Variants in MECOM observed in about 807,000 individuals in gnomAD.
The protein encoded by MECOM is MDS1 and EVI1 complex locus.
MECOM carries 13 observed loss-of-function variants against 116.3 expected under a neutral mutation model. The observed-to-expected ratio is 0.11, with a 90% CI of 0.07 to 0.18. The LOEUF (loss-of-function observed/expected upper bound fraction) is 0.18. Ranked by LOEUF, MECOM falls within the 10% of genes least tolerant of loss-of-function variation. MECOM has a pLI of 1.00. For missense variants in MECOM, 1,299 were observed against 1,509.0 expected (o/e 0.86, Z 2.31); for synonymous variants, 528 against 535.2 (o/e 0.99, Z 0.19).
At chr3:169,509,355 T>C (rs1755681421) in intron 1 of MECOM, among the ~76,000 whole-genome samples, 1 of 152,228 alleles carries the variant, frequency 6.6e-6, no homozygotes, top group Non-Finnish European at 1.5e-5. Flanking sequence ...ATATATAAGA[T>C]AAAATTTACC....
intron 2 of MECOM, among the ~76,000 whole-genome samples, chr3:169,282,954 T>C (rs1032169061): frequency 6.6e-6 from 1 of 152,132 alleles, no homozygotes; most frequent in Admixed American, 6.6e-5. Context: ...AGATCCCTTT[T>C]TTACGGTAAT....
intron 2 of MECOM, among the ~76,000 whole-genome samples, chr3:169,278,791 T>A (rs1009846053): frequency 2.6e-5 from 4 of 152,208 alleles, no homozygotes; most frequent in African/African-American, 9.6e-5. Context: ...GAACTCAAGC[T>A]CCTTCTGGTC....
At chr3:169,198,209 C>T (rs1748686265) in intron 2 of MECOM, among the ~76,000 whole-genome samples, 1 of 151,874 alleles carries the variant, frequency 6.6e-6, no homozygotes, top group African/African-American at 2.4e-5. Context: ...CAGATAGATA[C>T]CCTGTTTATT....
chr3:169,515,415 A>G (rs960218053), intron 1 of MECOM, among the ~76,000 whole-genome samples: 29 of 152,218 alleles, frequency 1.9e-4, no homozygotes, highest in Non-Finnish European at 4.4e-5. Context: ...ACAGACATAT[A>G]AAGTAAATAT....
intron 1 of MECOM, among the ~76,000 whole-genome samples, chr3:169,569,042 C>T (rs1763577942): frequency 6.6e-6 from 1 of 152,042 alleles, no homozygotes; most frequent in African/African-American, 2.4e-5. Flanking sequence ...AAGACACAGA[C>T]TGGCAAATTG....
At chr3:169,577,645 TAGA>T (rs1480871896) in intron 1 of MECOM, among the ~76,000 whole-genome samples, 1 of 152,164 alleles carries the variant, frequency 6.6e-6, no homozygotes, top group African/African-American at 2.4e-5. Context: ...CGACAGTGCC[TAGA>T]AGCTCAAATA....
At chr3:169,165,175 C>G (rs936245192) in intron 2 of MECOM, among the ~76,000 whole-genome samples, 1 of 152,148 alleles carries the variant, frequency 6.6e-6, no homozygotes, top group East Asian at 1.9e-4. Flanking sequence ...TAAGATTTCA[C>G]CTCTTAAAAC....
intron 2 of MECOM, among the ~76,000 whole-genome samples, chr3:169,194,679 C>T (rs1042939507): frequency 6.6e-6 from 1 of 151,942 alleles, no homozygotes; most frequent in African/African-American, 2.4e-5. Context: ...AAACTAAATG[C>T]AGTTGAGTGT....
At chr3:169,430,500 C>T (rs901219866) in intron 1 of MECOM, among the ~76,000 whole-genome samples, 2 of 152,092 alleles carry the variant, frequency 1.3e-5, no homozygotes, top group Admixed American at 6.6e-5. Flanking sequence ...AGGTTCTAGG[C>T]TTACAGTGGT....
At chr3:169,574,195 A>C (rs976305527) in intron 1 of MECOM, among the ~76,000 whole-genome samples, 3 of 152,240 alleles carry the variant, frequency 2.0e-5, no homozygotes, top group African/African-American at 7.2e-5. Flanking sequence ...AATAAAATAA[A>C]AATAAATGAA....
intron 1 of MECOM, among the ~76,000 whole-genome samples, chr3:169,544,918 C>T (rs1435958044): frequency 6.6e-6 from 1 of 152,124 alleles, no homozygotes; most frequent in Non-Finnish European, 1.5e-5. Context: ...ATCCCTAATG[C>T]ATGCAGGGCT....
At chr3:169,432,220 A>G (rs926855997) in intron 1 of MECOM, among the ~76,000 whole-genome samples, 3 of 151,012 alleles carry the variant, frequency 2.0e-5, no homozygotes, top group Non-Finnish European at 2.9e-5. Context: ...GTGCAGTGGC[A>G]CTATCTTGGC....
At chr3:169,108,967 A>G (rs1726366606) in intron 9 of MECOM, among the ~76,000 whole-genome samples, 1 of 152,216 alleles carries the variant, frequency 6.6e-6, no homozygotes, top group Admixed American at 6.5e-5. Context: ...TAAAATGTGC[A>G]AATAACCAAA....
intron 1 of MECOM, among the ~76,000 whole-genome samples, chr3:169,515,288 C>A (rs554444808): frequency 1.3e-5 from 2 of 152,330 alleles, no homozygotes; most frequent in East Asian, 3.9e-4. Flanking sequence ...TCCCAACTCA[C>A]TCACTCCATT....
intron 1 of MECOM, among the ~76,000 whole-genome samples, chr3:169,498,315 T>G (rs545228903): frequency 4.5e-4 from 68 of 152,320 alleles, no homozygotes; most frequent in African/African-American, 1.5e-3. Context: ...TGTAAGTACA[T>G]GCCAAAATTG....
At chr3:169,441,189 G>A (rs969055410) in intron 1 of MECOM, among the ~76,000 whole-genome samples, 6 of 152,138 alleles carry the variant, frequency 3.9e-5, no homozygotes, top group African/African-American at 7.2e-5. Context: ...AGAGTCCATG[G>A]CCCTCCAGGA....
chr3:169,115,649 G>A lies in MECOM; in HGVS notation c.2223C>T (p.Pro741=). 1 of 1,614,132 alleles carries A rather than the reference G, an allele frequency of 6.2e-7. No homozygotes were observed. The change falls in exon 8 of 17, where the codon CCC becomes CCT. Residue 741 remains proline (P), a synonymous_variant. Transcript: ENST00000651503. ...CCTTTCGCTTAGTGGTGAGATCAAA[G>A]GGGGACTCAGAGCTGCCCTTCTGCA... ...KKLQKGSSES[P]FDLTTKRKDE...
intron 1 of MECOM, among the ~76,000 whole-genome samples, chr3:169,420,448 C>T (rs928830031): frequency 2.6e-5 from 4 of 152,074 alleles, no homozygotes; most frequent in Non-Finnish European, 2.9e-5. Context: ...ACCCATGGAT[C>T]TGAAATTCAA....
At chr3:169,224,225 C>G (rs553927875) in intron 2 of MECOM, among the ~76,000 whole-genome samples, 3 of 152,250 alleles carry the variant, frequency 2.0e-5, no homozygotes, top group South Asian at 2.1e-4. Context: ...CCCATCTGCC[C>G]TTCATCACCA....
Sources: gnomAD v4.1 joint callset for allele counts (sites outside exome capture counted in the v4.1 genomes callset) on GRCh38, gnomAD v4.1.1 for gene constraint, MANE v1.5 for transcripts, NCBI Gene and HGNC (gene_info 2026-07-23, HGNC 2026-07-21) for gene names.